CARS1: variants seen among roughly 807,000 people sequenced by gnomAD.
CARS1 encodes the protein cysteinyl-tRNA synthetase 1.
Under a neutral mutation model 106.2 loss-of-function variants are expected in CARS1, and 48 were observed. That is an observed-to-expected ratio of 0.45 (90% confidence interval 0.36 to 0.57). CARS1 has a LOEUF of 0.57. CARS1 is among the 20% of genes least tolerant of loss of function. CARS1 has a pLI of 0.00. For synonymous variants in CARS1, 409 were observed against 403.4 expected (o/e 1.01, Z -0.17); for missense variants, 968 against 1,057.2 (o/e 0.92, Z 1.17).
chr11:3,020,268 C>T lies in CARS1; in HGVS notation c.1218G>A (p.Trp406Ter). Residue 406 changes from tryptophan (W) to a stop codon, truncating the protein, a stop_gained, in exon 11 of 23, where the codon TGG becomes TGA. Coordinates refer to ENST00000380525, the MANE Select transcript of CARS1 (RefSeq NM_001014437.3). LOFTEE classifies it high-confidence loss of function. This position sits in a 1 kb window ranked among gnomAD's most constrained non-coding sequence, Gnocchi z 4.6. ...EKRSPNDFAL[W>*]KASKPGEPSW... ...ACGGTTCTCCGGGCTTAGAGGCCTT[C>T]CATAAGGCAAAGTCGTTGGGAGAGC... is the stretch of plus-strand genomic sequence containing the variant. 6.2e-7 allele frequency: 1 copy of T among 1,613,944 alleles called. No individual in the cohort carries two copies. Among genetic ancestry groups the T allele is most frequent in the African/African-American group, 1.3e-5 (1 of 75,056 alleles).
In CARS1 at chr11:3,020,255, G is replaced by A. The variant is rs1173062218; in HGVS notation, c.1231C>T (p.Pro411Ser). 1 of 1,613,402 alleles carries A rather than the reference G, an allele frequency of 6.2e-7. No individual in the cohort carries two copies. The highest frequency in any genetic ancestry group is 1.1e-5 in the South Asian group (1 of 91,070). Residue 411 changes from proline to serine, a missense_variant, in exon 11 of 23, where the codon CCC (proline) becomes TCC (serine). By Grantham distance (74) the Pro-to-Ser change is moderately conservative (BLOSUM62 -1). Coordinates refer to ENST00000380525, the MANE Select transcript of CARS1 (RefSeq NM_001014437.3). This position sits in a 1 kb window ranked among gnomAD's most constrained non-coding sequence, Gnocchi z 4.6. The stretch of plus-strand genomic sequence containing the variant: ...GGGCACGGCCAGGACGGTTCTCCGG[G>A]CTTAGAGGCCTTCCATAAGGCAAAG... ...NDFALWKASK[P>S]GEPSWPCPWG...
At position 3,017,484 on chromosome 11, in the gene CARS1, A is replaced by C; in HGVS notation, c.1728-189T>G. 1.7e-6 allele frequency: 1 copy of C among 588,036 alleles called. No individual in the cohort carries two copies. The highest frequency in any genetic ancestry group is 3.0e-6 in the Non-Finnish European group (1 of 331,406). The allele number at this position is 588,036 out of a possible 1,614,324, so 36.4% of individuals were successfully genotyped here. On this transcript the variant is annotated intron_variant, in intron 15 of 22. Coordinates refer to ENST00000380525, the MANE Select transcript of CARS1 (RefSeq NM_001014437.3). This position sits in a 1 kb window ranked among gnomAD's most constrained non-coding sequence, Gnocchi z 4.9. ...ATGGAGAGACCCCCACCTCTACTAA[A>C]AATCTGAAATTAGCCAGGTATGGTG...
At chr11:3,024,385 C>T (rs1049767603) in intron 10 of CARS1, among the ~76,000 whole-genome samples, 1 of 152,124 alleles carries the variant, frequency 6.6e-6, no homozygotes, top group Non-Finnish European at 1.5e-5. Flanking sequence ...ACCCCCCAGA[C>T]AAGTTTGTAC....
chr11:3,017,353 C>G lies in CARS1; in HGVS notation c.1728-58G>C. On this transcript the variant is annotated intron_variant, in intron 15 of 22. Transcript: ENST00000380525. The surrounding 1 kb of genome is among the most constrained non-coding windows in gnomAD (Gnocchi z 4.9). ...GACCTGAAAACACACCATAGAAATTCCCCATGTGGCCAGGCGCAGTGGCTC... is the reference window on the plus strand; with the variant it reads ...GACCTGAAAACACACCATAGAAATTGCCCATGTGGCCAGGCGCAGTGGCTC... The G allele has an allele frequency of 6.6e-7, 1 of 1,506,642 alleles. No individual in the cohort carries two copies. 93.3% of individuals were successfully genotyped at this position (1,506,642 alleles called of 1,614,324 possible).
chr11:3,012,104 T>C (rs1850529260), intron 18 of CARS1, 91 bp downstream of exon 18: 3 of 1,192,030 alleles, frequency 2.5e-6, no homozygotes, highest in Non-Finnish European at 3.8e-6. Flanking sequence ...TGATCCGGCC[T>C]GAACGCCATA....
In CARS1 at chr11:3,021,721, A is replaced by G. The variant is rs1851585182; in HGVS notation, c.1154-1389T>C. On this transcript the variant is annotated intron_variant, in intron 10 of 22. Coordinates refer to ENST00000380525, the MANE Select transcript of CARS1 (RefSeq NM_001014437.3). This position sits in a 1 kb window ranked among gnomAD's most constrained non-coding sequence, Gnocchi z 5.3. ...GATTCCCAGATTAAAAAACAAACAC[A>G]CAAAAACACAAAAAACCTCTGCAAG... 1.3e-5 allele frequency among the ~76,000 whole-genome samples: 2 copies of G among 152,310 alleles called. No individual in the cohort carries two copies. Among genetic ancestry groups the G allele is most frequent in the East Asian group, 1.9e-4 (1 of 5,188 alleles).
chr11:3,035,541 A>G (rs1191465606), intron 7 of CARS1, among the ~76,000 whole-genome samples: 3 of 152,068 alleles, frequency 2.0e-5, no homozygotes, highest in Non-Finnish European at 4.4e-5. Flanking sequence ...GCTGGAGTGC[A>G]GTGGTGTGTT....
chr11:3,038,056 A>G lies in CARS1; in HGVS notation c.795T>C (p.Cys265=), dbSNP rs1271177899. 6.2e-7 allele frequency: 1 copy of G among 1,612,794 alleles called. No individual in the cohort carries two copies. Reference sequence around the variant, plus strand: ...GAGATGTGTGAAGCCTCACCTCCACACAGCTGTTGACTTCCTCTCCCGTGA... The same window carrying G: ...GAGATGTGTGAAGCCTCACCTCCACGCAGCTGTTGACTTCCTCTCCCGTGA... ...SRLTGEEVNS[C]VEVLLEEAKD... Residue 265 remains cysteine, a synonymous_variant, in exon 7 of 23, where the codon TGT becomes TGC. Coordinates refer to ENST00000380525, the MANE Select transcript of CARS1 (RefSeq NM_001014437.3). The surrounding 1 kb of genome is among the most constrained non-coding windows in gnomAD (Gnocchi z 4.0).
chr11:3,020,193 C>G lies in CARS1; in HGVS notation c.1266+27G>C. On this transcript the variant is annotated intron_variant, in intron 11 of 22. Coordinates refer to ENST00000380525, the MANE Select transcript of CARS1 (RefSeq NM_001014437.3). This position sits in a 1 kb window ranked among gnomAD's most constrained non-coding sequence, Gnocchi z 4.6. ...CTGGCGCCAGTGCCCCTGTCCAAGC[C>G]CCACACCTTCTAGGCCACTCGCTCA... 1 of 1,380,624 alleles carries G rather than the reference C, an allele frequency of 7.2e-7. No homozygotes were observed. 85.5% of individuals were successfully genotyped at this position (1,380,624 alleles called of 1,614,324 possible). A position where few individuals can be genotyped will look rare whatever the true frequency, so the allele number is the denominator to read the frequency against.
chr11:3,019,096 A>G lies in CARS1; in HGVS notation c.1395+43T>C. On this transcript the variant is annotated intron_variant, in intron 12 of 22. Coordinates refer to ENST00000380525, the MANE Select transcript of CARS1 (RefSeq NM_001014437.3). The surrounding 1 kb of genome is among the most constrained non-coding windows in gnomAD (Gnocchi z 6.2). Reference sequence around the variant, plus strand: ...ACTTTTCCTCCACTGCAGTATGAACACTGTGCTCTTGCACCTGACAAGGGG... The same window carrying G: ...ACTTTTCCTCCACTGCAGTATGAACGCTGTGCTCTTGCACCTGACAAGGGG... The G allele has an allele frequency of 6.7e-7, 1 of 1,496,302 alleles. No homozygotes were observed. Among genetic ancestry groups the G allele is most frequent in the Non-Finnish European group, 8.9e-7 (1 of 1,124,714 alleles). 92.7% of individuals were successfully genotyped at this position (1,496,302 alleles called of 1,614,324 possible).
In CARS1 at chr11:3,049,633, C is replaced by T. The variant is rs141397615; in HGVS notation, c.26-1632G>A. On this transcript the variant is annotated intron_variant, in intron 1 of 22. Coordinates refer to ENST00000380525, the MANE Select transcript of CARS1 (RefSeq NM_001014437.3). ...TCCTTCCAGACAGATACCCTCTCAC[C>T]CCAGAGTTCACTCAGGGTAGGAATG... 7.3e-3 allele frequency among the ~76,000 whole-genome samples: 1,112 copies of T among 152,350 alleles called. 16 individuals carry two copies. The highest frequency in any genetic ancestry group is 0.025 in the African/African-American group (1,044 of 41,576).
rs1049344448 is a variant in CARS1 at position 3,003,081 on chromosome 11, C to T, written c.2218-481G>A. Among the ~76,000 whole-genome samples the T allele has an allele frequency of 3.9e-5, 6 of 152,052 alleles. No individual in the cohort carries two copies. Among genetic ancestry groups the T allele is most frequent in the African/African-American group, 9.7e-5 (4 of 41,396 alleles). On this transcript the variant is annotated intron_variant, in intron 20 of 22. Transcript: ENST00000380525. The surrounding 1 kb of genome is among the most constrained non-coding windows in gnomAD (Gnocchi z 4.8). The stretch of plus-strand genomic sequence containing the variant: ...CAGCCTTGGGGGCTAGGTGAGGAGA[C>T]CAGAGCCCACTCCAACCAGCAGGCA...
rs936418226 is a variant in CARS1 at position 3,022,107 on chromosome 11, C to T, written c.1154-1775G>A. Among the ~76,000 whole-genome samples the T allele has an allele frequency of 7.9e-5, 12 of 152,220 alleles. No individual in the cohort carries two copies. The highest frequency in any genetic ancestry group is 2.9e-5 in the Non-Finnish European group (2 of 68,044). On this transcript the variant is annotated intron_variant, in intron 10 of 22. Transcript: ENST00000380525. The surrounding 1 kb of genome is among the most constrained non-coding windows in gnomAD (Gnocchi z 4.9). ...ATAGGCAGAATGATGAGGCCGGTCA[C>T]TGGCCAGGTGCAGTGCACGTCCATC...
At position 3,030,802 on chromosome 11, in the gene CARS1, G is replaced by A. The variant is rs1214917356; in HGVS notation, c.802-1359C>T. ...GACAGGCCAGCAAAGCGGCCCAGCT[G>A]GATCTGAAAATAGAAGCAAACGGAA... is the stretch of plus-strand genomic sequence containing the variant. On this transcript the variant is annotated intron_variant, in intron 7 of 22. Coordinates refer to ENST00000380525, the MANE Select transcript of CARS1 (RefSeq NM_001014437.3). The surrounding 1 kb of genome is among the most constrained non-coding windows in gnomAD (Gnocchi z 5.7). 1 of 152,236 alleles carries A rather than the reference G, an allele frequency of 6.6e-6. No individual in the cohort carries two copies. The highest frequency in any genetic ancestry group is 1.5e-5 in the Non-Finnish European group (1 of 68,042). The allele number at this position is 152,236 out of a possible 1,614,324, so 9.4% of individuals were successfully genotyped here.
chr11:3,042,939 C>T (rs1854671937), intron 2 of CARS1, among the ~76,000 whole-genome samples: 3 of 55,926 alleles, frequency 5.4e-5, no homozygotes, highest in African/African-American at 1.8e-4. Flanking sequence ...ACTTCGGACA[C>T]TGCAGGAGTG....
At chr11:3,002,332 C>T (rs1849466791) in intron 21 of CARS1, 2 of 867,028 alleles carry the variant, frequency 2.3e-6, no homozygotes, top group Non-Finnish European at 3.5e-6. Context: ...GACCACATGG[C>T]ACAGCCTTCC....
rs1271608282 is a variant in CARS1, at chr11:3,022,445, T to C, written c.1154-2113A>G. Among the ~76,000 whole-genome samples, 4 of 152,114 alleles carry C rather than the reference T, an allele frequency of 2.6e-5. No individual in the cohort carries two copies. Among genetic ancestry groups the C allele is most frequent in the Non-Finnish European group, 5.9e-5 (4 of 68,010 alleles). On this transcript the variant is annotated intron_variant, in intron 10 of 22. Coordinates refer to ENST00000380525, the MANE Select transcript of CARS1 (RefSeq NM_001014437.3). The surrounding 1 kb of genome is among the most constrained non-coding windows in gnomAD (Gnocchi z 4.9). ...CCTCCCCAAATCTCAGGGAGGCGGA[T>C]CTGAGGTTTCCTCCCATCTCCATTT...
chr11:3,036,702 C>A (rs185293140), intron 7 of CARS1, among the ~76,000 whole-genome samples: 22 of 152,290 alleles, frequency 1.4e-4, no homozygotes, highest in Admixed American at 2.6e-4. Flanking sequence ...AAAGCAGGAA[C>A]CCAAACAGAT....
chr11:3,029,279 G>C lies in CARS1; in HGVS notation c.942+24C>G, dbSNP rs1475909587. 2 of 1,612,134 alleles carry C rather than the reference G, an allele frequency of 1.2e-6. No individual in the cohort carries two copies. Among genetic ancestry groups the C allele is most frequent in the South Asian group, 2.2e-5 (2 of 91,016 alleles). ...CAGGGCCCTTAGCGCAAGAGAGCCA[G>C]CACAAGACAATCGTGACACTTACAT... On this transcript the variant is annotated intron_variant, in intron 8 of 22. Coordinates refer to ENST00000380525, the MANE Select transcript of CARS1 (RefSeq NM_001014437.3). The surrounding 1 kb of genome is among the most constrained non-coding windows in gnomAD (Gnocchi z 5.9).
Sources: allele counts gnomAD v4.1 joint callset (sites outside exome capture counted in the v4.1 genomes callset), GRCh38; gene constraint gnomAD v4.1.1; non-coding constraint Gnocchi (gnomAD v3.1); transcripts MANE v1.5; gene names NCBI Gene and HGNC (gene_info 2026-07-23, HGNC 2026-07-21).